PCDHAC2: variants seen among roughly 807,000 people sequenced by gnomAD.
PCDHAC2 encodes protocadherin alpha-C2.
Under a neutral mutation model 63.3 loss-of-function variants are expected in PCDHAC2, and 24 were observed. The observed-to-expected ratio is 0.38, with a 90% CI of 0.27 to 0.53. PCDHAC2 has a LOEUF of 0.53. Ranked by LOEUF, PCDHAC2 falls within the 20% of genes least tolerant of loss-of-function variation. The pLI is 0.81. For missense variants in PCDHAC2, 1,181 were observed against 1,275.2 expected, an observed-to-expected ratio of 0.93 and a Z score of 1.12; for synonymous variants, 569 against 529.4, an observed-to-expected ratio of 1.07 and a Z score of -1.03.
At chr5:140,977,342 T>A (rs1554238451) in intron 1 of PCDHAC2, among the ~76,000 whole-genome samples, 1 of 152,222 alleles carries the variant, frequency 6.6e-6, no homozygotes, top group South Asian at 2.1e-4. Context: ...GAGACGGTGA[T>A]GATGACTGAT....
intron 1 of PCDHAC2, among the ~76,000 whole-genome samples, chr5:140,975,067 T>C (rs2096652705): frequency 6.6e-6 from 1 of 152,146 alleles, no homozygotes; most frequent in African/African-American, 2.4e-5. Flanking sequence ...TCGAGCTCAT[T>C]CAGATTGTTG....
Position 140,967,481 on chromosome 5 carries a change from G to C in PCDHAC2, c.715G>C (p.Gly239Arg), listed in dbSNP as rs1554229603. 1.2e-6 allele frequency: 2 copies of C among 1,613,426 alleles called. No individual in the cohort carries two copies. The highest frequency in any genetic ancestry group is 1.7e-5 in the Admixed American group (1 of 60,012). Residue 239 changes from glycine to arginine, a missense_variant, in exon 1 of 4, where the codon GGT (glycine) becomes CGT (arginine). This residue lies in a region of PCDHAC2 where 968 missense variants were observed against 1,073.5 expected (regional missense o/e 0.90). Transcript: ENST00000289269. ...AVDGGIPARS[G>R]TAQISVRVLD... Reference sequence around the variant, plus strand: ...GGATGGGGGCATCCCAGCCCGCTCGGGTACGGCACAGATCTCTGTGCGTGT... The same window carrying C: ...GGATGGGGGCATCCCAGCCCGCTCGCGTACGGCACAGATCTCTGTGCGTGT...
chr5:141,000,647 C>G (rs1442819157), intron 3 of PCDHAC2, among the ~76,000 whole-genome samples: 1 of 151,182 alleles, frequency 6.6e-6, no homozygotes, highest in Non-Finnish European at 1.5e-5. Context: ...AGGCTGGTCT[C>G]GAACTCCTGA....
In PCDHAC2 at chr5:141,011,948, A is replaced by G. The variant is rs1011232437; in HGVS notation, c.*2011A>G. ...TAGGAGTCTGTTATTTAAAAAAAGC[A>G]TTAAATTTAAAAAAAAACTGTCTTG... On this transcript the variant is annotated 3_prime_UTR_variant, in exon 4 of 4. Transcript: ENST00000289269. 3 of 153,698 alleles carry G rather than the reference A, an allele frequency of 2.0e-5. No homozygotes were observed. The highest frequency in any genetic ancestry group is 4.4e-5 in the Non-Finnish European group (3 of 68,026). The allele number at this position is 153,698 out of a possible 1,614,324, so 9.5% of individuals were successfully genotyped here.
At chr5:140,992,187 G>C (rs1395618041) in intron 3 of PCDHAC2, among the ~76,000 whole-genome samples, 1 of 152,118 alleles carries the variant, frequency 6.6e-6, no homozygotes, top group Non-Finnish European at 1.5e-5. Flanking sequence ...CATGCTTTCA[G>C]TGATCTATCC....
At chr5:140,995,577 A>G (rs892793952) in intron 3 of PCDHAC2, among the ~76,000 whole-genome samples, 7 of 152,242 alleles carry the variant, frequency 4.6e-5, no homozygotes, top group Non-Finnish European at 1.0e-4. Flanking sequence ...AAGATGAGCT[A>G]TGAGCTTTTA....
intron 1 of PCDHAC2, among the ~76,000 whole-genome samples, chr5:140,974,144 A>G (rs868918794): frequency 5.9e-5 from 9 of 152,268 alleles, no homozygotes; most frequent in African/African-American, 1.7e-4. Context: ...CCTGAAAACT[A>G]TACAAGGGTT....
At chr5:140,974,291 A>G (rs1417274006) in intron 1 of PCDHAC2, among the ~76,000 whole-genome samples, 1 of 152,196 alleles carries the variant, frequency 6.6e-6, no homozygotes, top group Admixed American at 6.5e-5. Context: ...CTGGGCTCCA[A>G]GGAGGTACAA....
rs782676713 is a variant in PCDHAC2 at position 140,968,215 on chromosome 5, G to A, written c.1449G>A (p.Leu483=). 3 of 1,613,862 alleles carry A rather than the reference G, an allele frequency of 1.9e-6. 1 individual carries two copies. The highest frequency in any genetic ancestry group is 2.5e-6 in the Non-Finnish European group (3 of 1,180,046). Residue 483 remains leucine, a synonymous_variant, in exon 1 of 4, where the codon TTG becomes TTA. Transcript: ENST00000289269. ...SYSIYIQENN[L]PGVLLCTVQA... ...CCATCTACATACAGGAGAACAATTT[G>A]CCAGGTGTGTTGCTCTGTACTGTGC... is the stretch of plus-strand genomic sequence containing the variant.
Position 140,989,317 on chromosome 5 carries a change from C to T in PCDHAC2, c.2713+6754C>T, listed in dbSNP as rs184467267. Among the ~76,000 whole-genome samples, 489 of 152,240 alleles carry T rather than the reference C, an allele frequency of 3.2e-3. 2 individuals carry two copies. Among genetic ancestry groups the T allele is most frequent in the African/African-American group, 0.011 (440 of 41,530 alleles). Reference sequence around the variant, plus strand: ...AAAGGGCCAAGGAAGTAGGGTCTCACCAACTTTGCCACCTGACTCAGCTCA... The same window carrying T: ...AAAGGGCCAAGGAAGTAGGGTCTCATCAACTTTGCCACCTGACTCAGCTCA... On this transcript the variant is annotated intron_variant, in intron 3 of 3. Transcript: ENST00000289269.
chr5:140,995,679 T>C (rs2153934903), intron 3 of PCDHAC2, among the ~76,000 whole-genome samples: 1 of 152,322 alleles, frequency 6.6e-6, no homozygotes, highest in Non-Finnish European at 1.5e-5. Context: ...GCAGCATTTT[T>C]TTTAATTGTT....
In PCDHAC2 at chr5:141,009,726, C is replaced by A. The variant is rs373683237; in HGVS notation, c.2813C>A (p.Pro938His). Residue 938 changes from proline to histidine, a missense_variant, in exon 4 of 4, where the codon CCC (proline) becomes CAC (histidine). By Grantham distance (77) the Pro-to-His change is moderately conservative (BLOSUM62 -2). Coordinates refer to ENST00000289269, the MANE Select transcript of PCDHAC2 (RefSeq NM_018899.6). ...YGPGNPKQSGPGELPDKFIIP... is the reference protein window; with the variant it reads ...YGPGNPKQSGHGELPDKFIIP... The stretch of plus-strand genomic sequence containing the variant: ...CCAGGCAACCCCAAACAATCCGGTC[C>A]CGGTGAGTTGCCCGACAAATTCATT... 85 of 1,614,016 alleles carry A rather than the reference C, an allele frequency of 5.3e-5. No individual in the cohort carries two copies. Among genetic ancestry groups the A allele is most frequent in the Non-Finnish European group, 4.4e-5 (52 of 1,180,032 alleles).
At chr5:141,006,375 CTAAG>C (rs2098270775) in intron 3 of PCDHAC2, among the ~76,000 whole-genome samples, 1 of 151,930 alleles carries the variant, frequency 6.6e-6, no homozygotes, top group Admixed American at 6.6e-5. Flanking sequence ...CCACGCCCGG[CTAAG>C]TTTTTTCTAT....
At position 140,967,566 on chromosome 5, in the gene PCDHAC2, G is replaced by T. The variant is rs1586227015; in HGVS notation, c.800G>T (p.Arg267Leu). The stretch of plus-strand genomic sequence containing the variant: ...CAGTCCACTTATCGCGTCCAGCTAC[G>T]GGAGGACTCACCCCCAGGCACATTG... ...FDQSTYRVQL[R>L]EDSPPGTLVV... Residue 267 changes from arginine to leucine, a missense_variant, in exon 1 of 4, where the codon CGG becomes CTG. Around this residue, in one of 3 missense-constraint regions of PCDHAC2, gnomAD observed 968 missense variants for 1,073.5 expected, o/e 0.90. Coordinates refer to ENST00000289269, the MANE Select transcript of PCDHAC2 (RefSeq NM_018899.6). 6 of 1,614,060 alleles carry T rather than the reference G, an allele frequency of 3.7e-6. No homozygotes were observed. In the East Asian group the frequency reaches 1.3e-4, roughly 36 times the overall value.
Position 141,009,969 on chromosome 5 carries a change from GT to G in PCDHAC2, c.*37del, listed in dbSNP as rs2098415622. On this transcript the variant is annotated 3_prime_UTR_variant, in exon 4 of 4. Coordinates refer to ENST00000289269, the MANE Select transcript of PCDHAC2 (RefSeq NM_018899.6). ...CAAATGGAAACAAGCCACTTAGCCA[GT>G]TTTTGTAATAATGGCAAATCTCTCC... 6.3e-7 allele frequency: 1 copy of G among 1,586,478 alleles called. No homozygotes were observed. The highest frequency in any genetic ancestry group is 1.8e-5 in the Admixed American group (1 of 54,174).
intron 3 of PCDHAC2, among the ~76,000 whole-genome samples, chr5:140,990,016 G>A (rs1211656433): frequency 6.6e-6 from 1 of 152,138 alleles, no homozygotes; most frequent in East Asian, 1.9e-4. Flanking sequence ...GCGTGGGCTA[G>A]GCAAAGGATG....
chr5:140,966,603 G>T lies in PCDHAC2; in HGVS notation c.-164G>T. ...GAGGACGGTGGGGCCAGGAGCCCTTGGGAGGGCCTACGGAGGGAGCGGCCC... is the reference window on the plus strand; with the variant it reads ...GAGGACGGTGGGGCCAGGAGCCCTTTGGAGGGCCTACGGAGGGAGCGGCCC... On this transcript the variant is annotated 5_prime_UTR_variant, in exon 1 of 4. Transcript: ENST00000289269. 1 of 656,454 alleles carries T rather than the reference G, an allele frequency of 1.5e-6. No homozygotes were observed. Among genetic ancestry groups the T allele is most frequent in the East Asian group, 3.4e-5 (1 of 29,836 alleles). The allele number at this position is 656,454 out of a possible 1,614,324, so 40.7% of individuals were successfully genotyped here. A position where few individuals can be genotyped will look rare whatever the true frequency, so the allele number is the denominator to read the frequency against.
At position 141,009,622 on chromosome 5, in the gene PCDHAC2, T is replaced by C. The variant is rs782517998; in HGVS notation, c.2714-5T>C. On this transcript the variant is annotated splice_region_variant and splice_polypyrimidine_tract_variant and intron_variant, in intron 3 of 3. Coordinates refer to ENST00000289269, the MANE Select transcript of PCDHAC2 (RefSeq NM_018899.6). ...GTTAATGATTTGTAATGTTTTGTCT[T>C]TCAGAACCAGAGGCAGGAGAAGTGT... is the stretch of plus-strand genomic sequence containing the variant. 6.2e-7 allele frequency: 1 copy of C among 1,612,598 alleles called. No homozygotes were observed.
Position 140,968,673 on chromosome 5 carries a change from A to G in PCDHAC2, c.1907A>G (p.Glu636Gly). Reference sequence around the variant, plus strand: ...TCTGACCTGGACCTCTTTAAGGTAGAGCTGCACACAGGAGAAATTAGGACT... The same window carrying G: ...TCTGACCTGGACCTCTTTAAGGTAGGGCTGCACACAGGAGAAATTAGGACT... ...QTSDLDLFKV[E>G]LHTGEIRTTR... Residue 636 changes from glutamate (E) to glycine (G), a missense_variant, in exon 1 of 4, where the codon GAG becomes GGG. Physicochemically the swap from Glu to Gly is moderately conservative, Grantham distance 98. Coordinates refer to ENST00000289269, the MANE Select transcript of PCDHAC2 (RefSeq NM_018899.6). 1.2e-6 allele frequency: 2 copies of G among 1,614,168 alleles called. No homozygotes were observed. Among genetic ancestry groups the G allele is most frequent in the Non-Finnish European group, 1.7e-6 (2 of 1,180,038 alleles).
Sources: allele counts gnomAD v4.1 joint callset (sites outside exome capture counted in the v4.1 genomes callset), GRCh38; gene constraint gnomAD v4.1.1; regional missense constraint gnomAD v4.1.1; transcripts MANE v1.5; gene names NCBI Gene and HGNC (gene_info 2026-07-23, HGNC 2026-07-21).